The following PTPRM variants were observed in gnomAD, a reference collection of about 807,000 sequenced individuals.
PTPRM encodes receptor-type tyrosine-protein phosphatase mu.
A neutral mutation model predicts 186.7 loss-of-function variants in PTPRM; 47 were observed. The ratio of observed to expected loss-of-function variants is 0.25; its 90% confidence interval spans 0.20 to 0.32. The LOEUF (loss-of-function observed/expected upper bound fraction) is 0.32. Among genes scored for constraint, PTPRM ranks in the 10% least tolerant of loss-of-function variants. The probability of loss-of-function intolerance (pLI) is 1.00; values close to 1 mark genes in which losing one functional copy is unlikely to be tolerated. For missense variants in PTPRM, 1,494 were observed against 1,865.0 expected (o/e 0.80, Z 3.66); for synonymous variants, 668 against 674.9 (o/e 0.99, Z 0.16).
chr18:8,292,518 A>C (rs2095053267), intron 19 of PTPRM, among the ~76,000 whole-genome samples: 1 of 152,196 alleles, frequency 6.6e-6, no homozygotes, highest in Non-Finnish European at 1.5e-5. Context: ...AGACACCATC[A>C]CCCTATCTGT....
intron 13 of PTPRM, among the ~76,000 whole-genome samples, chr18:8,141,357 G>A (rs1017978732): frequency 1.3e-5 from 2 of 152,176 alleles, no homozygotes; most frequent in Non-Finnish European, 2.9e-5. Context: ...TTGCAACTGT[G>A]TCAGGCCAAG....
chr18:7,741,022 A>C (rs369241324), intron 1 of PTPRM, among the ~76,000 whole-genome samples: 5 of 152,234 alleles, frequency 3.3e-5, no homozygotes, highest in African/African-American at 1.2e-4. Flanking sequence ...CATTCCTCAG[A>C]TGAAAGTGCT....
At chr18:7,755,096 C>A (rs530325618) in intron 1 of PTPRM, 1 of 152,236 alleles carries the variant, frequency 6.6e-6, no homozygotes, top group Non-Finnish European at 1.5e-5. Context: ...TACCAGGGTA[C>A]ACTTTGTAAT....
At chr18:7,802,682 C>T (rs117269911) in intron 2 of PTPRM, among the ~76,000 whole-genome samples, 1,680 of 152,200 alleles carry the variant, frequency 0.011, 14 homozygotes, top group South Asian at 0.022. Flanking sequence ...CTTTGGAATC[C>T]GATTTCCTAG....
chr18:7,892,600 T>C (rs1391086230), intron 3 of PTPRM, among the ~76,000 whole-genome samples: 3 of 152,222 alleles, frequency 2.0e-5, no homozygotes, highest in African/African-American at 4.8e-5. Context: ...AAGTTAGAAG[T>C]TTTTTCTCAT....
chr18:8,024,349 G>A (rs939843995), intron 7 of PTPRM, among the ~76,000 whole-genome samples: 5 of 152,048 alleles, frequency 3.3e-5, no homozygotes, highest in Non-Finnish European at 5.9e-5. Flanking sequence ...GGGCCTGATC[G>A]ATTGTTCACA....
At chr18:8,314,704 G>A in intron 20 of PTPRM, 77 bp from the exon 21 acceptor site, 2 of 954,426 alleles carry the variant, frequency 2.1e-6, no homozygotes, top group South Asian at 2.9e-5. Flanking sequence ...TATGTAATAT[G>A]CTTACATTCT....
intron 4 of PTPRM, among the ~76,000 whole-genome samples, chr18:7,907,748 G>A (rs116146788): frequency 4.6e-5 from 7 of 151,434 alleles, no homozygotes; most frequent in Non-Finnish European, 8.8e-5. Flanking sequence ...ACTGAACACC[G>A]CAAATGTGTG....
intron 11 of PTPRM, among the ~76,000 whole-genome samples, chr18:8,102,414 A>G (rs574090477): frequency 6.6e-6 from 1 of 152,374 alleles, no homozygotes; most frequent in East Asian, 1.9e-4. Flanking sequence ...AAACCTTGTC[A>G]GTGCGTTATC....
At chr18:8,218,635 G>C (rs973149215) in intron 14 of PTPRM, among the ~76,000 whole-genome samples, 1 of 152,184 alleles carries the variant, frequency 6.6e-6, no homozygotes, top group Non-Finnish European at 1.5e-5. Flanking sequence ...AGCGCTCAAA[G>C]GAAAGAGATT....
intron 26 of PTPRM, chr18:8,377,282 T>G (rs570208797): frequency 1.3e-5 from 2 of 152,296 alleles, no homozygotes; most frequent in East Asian, 3.9e-4. Context: ...TCCCTTACAT[T>G]TAGATGGTGC....
chr18:7,713,697 CA>C (rs139119900), intron 1 of PTPRM, among the ~76,000 whole-genome samples: 68,204 of 115,914 alleles, frequency 0.59, 17,275 homozygotes, highest in East Asian at 0.94. Flanking sequence ...AAATGGAAAG[CA>C]AAAAAAAAAA....
chr18:7,733,247 C>T (rs764090363), intron 1 of PTPRM, among the ~76,000 whole-genome samples: 5 of 152,038 alleles, frequency 3.3e-5, no homozygotes, highest in Non-Finnish European at 7.4e-5. Context: ...GCCCCCCACC[C>T]TCCAACAGGC....
intron 1 of PTPRM, among the ~76,000 whole-genome samples, chr18:7,664,013 G>C (rs962206200): frequency 7.2e-5 from 11 of 152,238 alleles, no homozygotes; most frequent in South Asian, 2.1e-4. Flanking sequence ...ACCCTCTAGG[G>C]ATTTCAGCCT....
intron 2 of PTPRM, among the ~76,000 whole-genome samples, chr18:7,802,757 CT>C (rs1312783760): frequency 1.3e-5 from 2 of 152,054 alleles, no homozygotes; most frequent in African/African-American, 4.8e-5. Context: ...AGTATGACAT[CT>C]TTTTATTGAT....
chr18:8,096,422 C>T (rs1467462297), intron 11 of PTPRM, among the ~76,000 whole-genome samples: 1 of 152,182 alleles, frequency 6.6e-6, no homozygotes, highest in Non-Finnish European at 1.5e-5. Context: ...GTTATGCGTT[C>T]CCCTCTTATT....
intron 1 of PTPRM, among the ~76,000 whole-genome samples, chr18:7,587,092 T>C (rs1174142128): frequency 6.6e-6 from 1 of 152,210 alleles, no homozygotes; most frequent in Non-Finnish European, 1.5e-5. Context: ...AAATTTTAAT[T>C]CTATATTTAA....
intron 14 of PTPRM, among the ~76,000 whole-genome samples, chr18:8,222,658 T>G (rs1305389229): frequency 6.6e-6 from 1 of 152,226 alleles, no homozygotes; most frequent in African/African-American, 2.4e-5. Context: ...ATGTAATGTC[T>G]GTCATATTAT....
chr18:8,068,917 G>C (rs2089276052), intron 7 of PTPRM, among the ~76,000 whole-genome samples: 1 of 151,948 alleles, frequency 6.6e-6, no homozygotes, highest in African/African-American at 2.4e-5. Flanking sequence ...GACTAACATG[G>C]TGAAACCCTG....
Sources: allele counts gnomAD v4.1 joint callset (sites outside exome capture counted in the v4.1 genomes callset), GRCh38; gene constraint gnomAD v4.1.1; transcripts MANE v1.5; gene names NCBI Gene and HGNC (gene_info 2026-07-23, HGNC 2026-07-21).